PDE4D: variants seen among roughly 807,000 people sequenced by gnomAD.
The protein encoded by PDE4D is 3',5'-cyclic-AMP phosphodiesterase 4D.
A neutral mutation model predicts 87.4 loss-of-function variants in PDE4D; 24 were observed. That is an observed-to-expected ratio of 0.27 (90% CI 0.20 to 0.39). The LOEUF (loss-of-function observed/expected upper bound fraction) is 0.39, where lower values mean the gene tolerates loss of function less well. PDE4D is among the 10% of genes least tolerant of loss of function. The pLI is 1.00. For synonymous variants in PDE4D, 384 were observed against 383.2 expected, an observed-to-expected ratio of 1.00 and a Z score of -0.02; for missense variants, 714 against 1,041.0, an observed-to-expected ratio of 0.69 and a Z score of 4.32.
chr5:60,057,166 C>T (rs895440972), intron 2 of PDE4D, among the ~76,000 whole-genome samples: 3 of 151,904 alleles, frequency 2.0e-5, no homozygotes, highest in African/African-American at 7.3e-5. Context: ...AAATTAGAAA[C>T]TAGAGATATT....
intron 1 of PDE4D, among the ~76,000 whole-genome samples, chr5:59,230,831 G>T (rs1384818968): frequency 7.2e-5 from 11 of 152,148 alleles, no homozygotes. Context: ...CCTTAATGGG[G>T]CTTGAATGAA....
chr5:59,153,464 C>T (rs1175793994), intron 5 of PDE4D, among the ~76,000 whole-genome samples: 1 of 152,182 alleles, frequency 6.6e-6, no homozygotes, highest in African/African-American at 2.4e-5. Flanking sequence ...TCATCCACTT[C>T]TTTCAAGTTA....
intron 1 of PDE4D, among the ~76,000 whole-genome samples, chr5:59,786,610 G>A (rs1316593633): frequency 6.6e-6 from 1 of 152,180 alleles, no homozygotes; most frequent in Non-Finnish European, 1.5e-5. Context: ...TTTAGGCGAG[G>A]ATAGTACTTT....
chr5:60,506,505 AAAT>A (rs1445336585), intron 1 of PDE4D, among the ~76,000 whole-genome samples: 1 of 152,236 alleles, frequency 6.6e-6, no homozygotes, highest in Non-Finnish European at 1.5e-5. Context: ...GAACAGTGGT[AAAT>A]ATTTGAAAAA....
chr5:59,007,834 T>A (rs1265250450), intron 6 of PDE4D, among the ~76,000 whole-genome samples: 1 of 123,210 alleles, frequency 8.1e-6, no homozygotes, highest in Non-Finnish European at 2.0e-5. Flanking sequence ...TTATTTTAAT[T>A]TTTTTTTAAC....
At chr5:60,519,690 TG>T in intron 1 of PDE4D, among the ~76,000 whole-genome samples, 1 of 152,350 alleles carries the variant, frequency 6.6e-6, no homozygotes, top group East Asian at 1.9e-4. Flanking sequence ...CTTTGGTAAC[TG>T]TCTCCAAAAG....
At chr5:59,896,183 C>T (rs147450519), upstream of PDE4D, among the ~76,000 whole-genome samples, 9 of 152,230 alleles carry the variant, frequency 5.9e-5, no homozygotes, top group East Asian at 1.5e-3. Context: ...CTAATATTAC[C>T]TACTTCACAG....
intron 5 of PDE4D, among the ~76,000 whole-genome samples, chr5:59,137,144 A>G (rs1004255832): frequency 6.6e-6 from 1 of 152,142 alleles, no homozygotes; most frequent in Non-Finnish European, 1.5e-5. Context: ...CCAGATGCCA[A>G]AGAGTCCTCC....
chr5:59,906,918 A>G (rs1322862847), intron 3 of PDE4D, among the ~76,000 whole-genome samples: 1 of 152,150 alleles, frequency 6.6e-6, no homozygotes, highest in Non-Finnish European at 1.5e-5. Context: ...TACCATAAAA[A>G]CACATGCACG....
intron 1 of PDE4D, among the ~76,000 whole-genome samples, chr5:60,405,080 C>G (rs1172112672): frequency 1.3e-5 from 2 of 152,204 alleles, no homozygotes; most frequent in Non-Finnish European, 2.9e-5. Flanking sequence ...TGTCAGTTCT[C>G]TTCTCTAATT....
At chr5:59,414,417 A>T (rs1490544452) in intron 1 of PDE4D, among the ~76,000 whole-genome samples, 1 of 152,200 alleles carries the variant, frequency 6.6e-6, no homozygotes, top group Non-Finnish European at 1.5e-5. Context: ...CCTTGAAGAA[A>T]GGGTAGAATT....
At chr5:59,655,680 T>C (rs57560921) in intron 1 of PDE4D, among the ~76,000 whole-genome samples, 1 of 152,086 alleles carries the variant, frequency 6.6e-6, no homozygotes, top group East Asian at 1.9e-4. Context: ...TGTTGATAAG[T>C]GGAAAAGAGG....
At chr5:59,042,437 G>C (rs1419574329) in intron 5 of PDE4D, among the ~76,000 whole-genome samples, 1 of 152,126 alleles carries the variant, frequency 6.6e-6, no homozygotes, top group African/African-American at 2.4e-5. Flanking sequence ...AAAACAGTGA[G>C]CCAGTTTAAT....
chr5:60,363,677 G>A (rs987072579), intron 1 of PDE4D, among the ~76,000 whole-genome samples: 1 of 152,216 alleles, frequency 6.6e-6, no homozygotes, highest in Non-Finnish European at 1.5e-5. Context: ...GGCATCACCA[G>A]AGGAGACCTC....
chr5:59,458,984 TATAA>T (rs546963472), intron 1 of PDE4D, among the ~76,000 whole-genome samples: 145 of 152,356 alleles, frequency 9.5e-4, no homozygotes, highest in African/African-American at 3.4e-3. Context: ...TTTATCTTAG[TATAA>T]ATAATTTAAT....
At chr5:59,837,454 T>C (rs1307902839) in intron 1 of PDE4D, among the ~76,000 whole-genome samples, 4 of 152,086 alleles carry the variant, frequency 2.6e-5, no homozygotes, top group Non-Finnish European at 5.9e-5. Context: ...CAGTCTGTCA[T>C]CTAGAATATA....
At chr5:59,121,004 A>T (rs554357559) in intron 5 of PDE4D, among the ~76,000 whole-genome samples, 56 of 152,322 alleles carry the variant, frequency 3.7e-4, no homozygotes, top group African/African-American at 1.1e-3. Context: ...GAAAAACTGG[A>T]CACCCATAAG....
chr5:59,611,252 A>C (rs1238631211), intron 1 of PDE4D, among the ~76,000 whole-genome samples: 2 of 152,096 alleles, frequency 1.3e-5, no homozygotes, highest in South Asian at 2.1e-4. Context: ...GCAAGCTCAC[A>C]AGGCTCAAGG....
intron 5 of PDE4D, among the ~76,000 whole-genome samples, chr5:59,178,194 C>T (rs938959606): frequency 2.0e-5 from 3 of 152,152 alleles, no homozygotes; most frequent in African/African-American, 7.2e-5. Flanking sequence ...CCTTCCCCTG[C>T]TACTGCCCTC....
Sources: allele counts gnomAD v4.1 joint callset (sites outside exome capture counted in the v4.1 genomes callset), GRCh38; gene constraint gnomAD v4.1.1; transcripts MANE v1.5; gene names NCBI Gene and HGNC (gene_info 2026-07-23, HGNC 2026-07-21).